ZFHX3: variants seen among roughly 807,000 people sequenced by gnomAD.
ZFHX3 encodes zinc finger homeobox protein 3.
A neutral mutation model predicts 279.1 loss-of-function variants in ZFHX3; 42 were observed. The ratio of observed to expected loss-of-function variants is 0.15; its 90% confidence interval spans 0.12 to 0.19. ZFHX3 has a LOEUF of 0.19. ZFHX3 is among the 10% of genes least tolerant of loss of function. The pLI, the probability that ZFHX3 is intolerant of heterozygous loss-of-function variation, is 1.00. For synonymous variants in ZFHX3, 2,293 were observed against 1,957.8 expected (o/e 1.17, Z -4.52); for missense variants, 4,981 against 4,754.0 (o/e 1.05, Z -1.40).
intron 1 of ZFHX3, among the ~76,000 whole-genome samples, chr16:73,758,388 T>C (rs769641649): frequency 3.3e-5 from 5 of 152,202 alleles, no homozygotes; most frequent in Non-Finnish European, 7.3e-5. Context: ...CTAACCTAGC[T>C]CAAATTCAGT....
chr16:72,788,194 A>C lies in ZFHX3; in HGVS notation c.10082T>G (p.Leu3361Arg). 6.2e-7 allele frequency: 1 copy of C among 1,612,514 alleles called. No homozygotes were observed. The highest frequency in any genetic ancestry group is 8.5e-7 in the Non-Finnish European group (1 of 1,179,038). Residue 3361 changes from leucine (L) to arginine (R), a missense_variant, in exon 10 of 10, where the codon CTG becomes CGG. Physicochemically the swap from Leu to Arg is moderately radical, Grantham distance 102 (BLOSUM62 -2). Transcript: ENST00000268489. The stretch of plus-strand genomic sequence containing the variant: ...CTGCTGGTATTGCTGGTACTGCTGC[A>C]GTAGGGAGCCTGGGGACAGCCCCAT... ...ALMGLSPGSL[L>R]QQYQQYQQSL... is the part of the protein sequence containing the mutation.
intron 1 of ZFHX3, among the ~76,000 whole-genome samples, chr16:73,690,118 T>C (rs1169386148): frequency 1.3e-5 from 2 of 152,186 alleles, no homozygotes; most frequent in East Asian, 3.8e-4. Context: ...GGTTTCACCA[T>C]GTTGGCCAGA....
At chr16:72,863,340 TAAAAAAAA>T (rs66692129) in intron 4 of ZFHX3, among the ~76,000 whole-genome samples, 3 of 64,624 alleles carry the variant, frequency 4.6e-5, no homozygotes, top group Non-Finnish European at 5.3e-5. Context: ...TCATCTCTAC[TAAAAAAAA>T]AAAAAAAAAA....
chr16:73,772,337 G>T (rs1329208594), intron 1 of ZFHX3, among the ~76,000 whole-genome samples: 1 of 152,202 alleles, frequency 6.6e-6, no homozygotes, highest in Non-Finnish European at 1.5e-5. Context: ...TACGTGGATG[G>T]CAGCAGGCAA....
chr16:73,349,169 C>T (rs1212215165), intron 3 of ZFHX3, among the ~76,000 whole-genome samples: 1 of 111,718 alleles, frequency 9.0e-6, no homozygotes, highest in Non-Finnish European at 2.3e-5. Flanking sequence ...GACTTTTGTT[C>T]TGCCACAGCA....
At chr16:73,485,784 C>T (rs2018963173) in intron 2 of ZFHX3, among the ~76,000 whole-genome samples, 1 of 152,220 alleles carries the variant, frequency 6.6e-6, no homozygotes, top group South Asian at 2.1e-4. Flanking sequence ...CATCCTCATC[C>T]TCTTCCTCAG....
chr16:73,347,874 C>A (rs559442559), intron 3 of ZFHX3, among the ~76,000 whole-genome samples: 1 of 152,290 alleles, frequency 6.6e-6, no homozygotes, highest in East Asian at 1.9e-4. Context: ...CCTTTGTATG[C>A]TAAGCAAGAA....
At chr16:72,979,621 G>C (rs1423281415) in intron 1 of ZFHX3, among the ~76,000 whole-genome samples, 1 of 152,114 alleles carries the variant, frequency 6.6e-6, no homozygotes, top group Non-Finnish European at 1.5e-5. Flanking sequence ...GAATATATAA[G>C]ACATGGACCC....
At chr16:72,922,847 G>A (rs2039616572) in intron 3 of ZFHX3, among the ~76,000 whole-genome samples, 1 of 152,132 alleles carries the variant, frequency 6.6e-6, no homozygotes, top group Admixed American at 6.5e-5. Flanking sequence ...CAGGGTCTGA[G>A]GCTGATACCT....
intron 2 of ZFHX3, among the ~76,000 whole-genome samples, chr16:73,510,444 T>C (rs571657660): frequency 6.6e-6 from 1 of 152,336 alleles, no homozygotes; most frequent in Non-Finnish European, 1.5e-5. Flanking sequence ...TGACATTTCA[T>C]ATGGACCATA....
At chr16:73,750,820 T>A (rs1276368111) in intron 1 of ZFHX3, among the ~76,000 whole-genome samples, 1 of 151,950 alleles carries the variant, frequency 6.6e-6, no homozygotes, top group Admixed American at 6.6e-5. Flanking sequence ...GATGCCTTGA[T>A]GGGAATTTAG....
intron 4 of ZFHX3, among the ~76,000 whole-genome samples, chr16:72,835,930 C>A (rs2037181707): frequency 6.6e-6 from 1 of 152,118 alleles, no homozygotes; most frequent in Admixed American, 6.5e-5. Flanking sequence ...AATATGCAGG[C>A]TTTATTTTGC....
intron 1 of ZFHX3, among the ~76,000 whole-genome samples, chr16:73,692,730 A>T (rs1339331936): frequency 6.6e-6 from 1 of 152,214 alleles, no homozygotes; most frequent in Non-Finnish European, 1.5e-5. Flanking sequence ...ACGTGAATTA[A>T]AGTAGGTATT....
chr16:72,952,195 A>G (rs1961031855), intron 2 of ZFHX3, among the ~76,000 whole-genome samples: 1 of 152,218 alleles, frequency 6.6e-6, no homozygotes, highest in African/African-American at 2.4e-5. Context: ...AGCTGAGACC[A>G]TGCCACTCAG....
intron 1 of ZFHX3, among the ~76,000 whole-genome samples, chr16:72,967,513 TA>T (rs1961900603): frequency 6.6e-6 from 1 of 151,510 alleles, no homozygotes; most frequent in Non-Finnish European, 1.5e-5. Flanking sequence ...ACTCAACTAA[TA>T]AACGTAGAAA....
intron 7 of ZFHX3, among the ~76,000 whole-genome samples, chr16:73,105,811 A>C (rs1215426231): frequency 6.6e-6 from 1 of 152,114 alleles, no homozygotes; most frequent in Non-Finnish European, 1.5e-5. Context: ...ATTTCACTGC[A>C]ATGGCTTTCC....
intron 5 of ZFHX3, among the ~76,000 whole-genome samples, chr16:73,156,723 T>G (rs1184856794): frequency 3.9e-5 from 2 of 50,640 alleles, no homozygotes; most frequent in African/African-American, 2.0e-4. Context: ...GTCTGGCTAA[T>G]TTTTTTTTTT....
chr16:73,308,823 CATATTATAT>C (rs2015255183), intron 4 of ZFHX3, among the ~76,000 whole-genome samples: 1 of 149,802 alleles, frequency 6.7e-6, no homozygotes, highest in African/African-American at 2.4e-5. Context: ...GTTACTAAAA[CATATTATAT>C]ATATTATATT....
chr16:73,194,352 A>G (rs938091942), intron 5 of ZFHX3, among the ~76,000 whole-genome samples: 76 of 151,896 alleles, frequency 5.0e-4, no homozygotes, highest in Non-Finnish European at 2.5e-4. Flanking sequence ...GGCGTGCACC[A>G]CCACCCCCAG....
Sources: allele counts gnomAD v4.1 joint callset (sites outside exome capture counted in the v4.1 genomes callset), GRCh38; gene constraint gnomAD v4.1.1; transcripts MANE v1.5; gene names NCBI Gene and HGNC (gene_info 2026-07-23, HGNC 2026-07-21).